The following MRPL27 variants were observed in gnomAD, a reference collection of about 807,000 sequenced individuals.
The protein encoded by MRPL27 is mitochondrial ribosomal protein L27.
A neutral mutation model predicts 14.6 loss-of-function variants in MRPL27; 4 were observed. The observed-to-expected ratio is 0.27, with a 90% CI of 0.14 to 0.63. MRPL27 has a LOEUF of 0.63. Ranked by LOEUF, MRPL27 falls within the 20% of genes least tolerant of loss-of-function variation. The probability of loss-of-function intolerance (pLI) is 0.85; values close to 1 mark genes in which losing one functional copy is unlikely to be tolerated. For missense variants in MRPL27, 196 were observed against 192.8 expected, an observed-to-expected ratio of 1.02 and a Z score of -0.10; for synonymous variants, 82 against 75.5, an observed-to-expected ratio of 1.09 and a Z score of -0.45.
chr17:50,368,242 G>A lies in MRPL27; in HGVS notation c.297C>T (p.Tyr99=). 6.2e-7 allele frequency: 1 copy of A among 1,614,198 alleles called. No individual in the cohort carries two copies. The highest frequency in any genetic ancestry group is 8.5e-7 in the Non-Finnish European group (1 of 1,180,048). ...LYALEEGIVR[Y]TKEVYVPHPR... Reference sequence around the variant, plus strand: ...GATGAGGCACGTAGACCTCCTTAGTGTAGCGGACTATCCCCTCTTCCAGGG... The same window carrying A: ...GATGAGGCACGTAGACCTCCTTAGTATAGCGGACTATCCCCTCTTCCAGGG... The change falls in exon 4 of 4, where the codon TAC becomes TAT. Residue 99 remains tyrosine, a synonymous_variant. Coordinates refer to ENST00000225969, the MANE Select transcript of MRPL27 (RefSeq NM_016504.3).
intron 2 of MRPL27, 123 bp from the exon 3 acceptor site, chr17:50,370,222 A>G (rs1913090369): frequency 8.4e-7 from 1 of 1,189,336 alleles, no homozygotes; most frequent in Admixed American, 2.4e-5. Context: ...CAGACAGTCC[A>G]ACACAAGCAG....
chr17:50,370,248 C>A, intron 2 of MRPL27, 149 bp from the exon 3 acceptor site: 1 of 1,135,230 alleles, frequency 8.8e-7, no homozygotes, highest in East Asian at 2.4e-5. Flanking sequence ...GATCTGCCAC[C>A]CAGCAGCTCT....
chr17:50,369,935 T>A (rs1913076976), intron 3 of MRPL27, 97 bp downstream of exon 3: 1 of 1,328,556 alleles, frequency 7.5e-7, no homozygotes, highest in East Asian at 2.3e-5. Context: ...TGCCATTTGG[T>A]AAGCACTCAA....
At chr17:50,368,841 G>C (rs1202154926) in intron 3 of MRPL27, 1 of 702,400 alleles carries the variant, frequency 1.4e-6, no homozygotes. Context: ...TTCTCACCTA[G>C]TGAAAGAGGT....
At chr17:50,370,723 A>T in intron 1 of MRPL27, 137 bp from the exon 2 acceptor site, 4 of 1,116,756 alleles carry the variant, frequency 3.6e-6, no homozygotes, top group East Asian at 2.7e-5. Context: ...CACTGAGTGT[A>T]TTAGTTCTCA....
intron 3 of MRPL27, 106 bp from the exon 4 acceptor site, chr17:50,368,404 G>T: frequency 8.5e-7 from 1 of 1,172,938 alleles, no homozygotes; most frequent in Non-Finnish European, 1.2e-6. Flanking sequence ...GGGCTGAAAG[G>T]GTGATCAGAG....
Position 50,370,599 on chromosome 17 carries a change from C to CA in MRPL27, c.41-14dup. 6.2e-7 allele frequency: 1 copy of CA among 1,613,946 alleles called. No individual in the cohort carries two copies. The highest frequency in any genetic ancestry group is 8.5e-7 in the Non-Finnish European group (1 of 1,179,882). On this transcript the variant is annotated splice_polypyrimidine_tract_variant and intron_variant, in intron 1 of 3. Transcript: ENST00000225969. Reference sequence around the variant, plus strand: ...AGCAAGGATGTAACTGCAGAGAAAACAGAAACATTGTTCAGACAGACAGGC... The same window carrying CA: ...AGCAAGGATGTAACTGCAGAGAAAACAAGAAACATTGTTCAGACAGACAGGC...
In MRPL27 at chr17:50,373,028, A is replaced by G. The variant is rs1364576618; in HGVS notation, c.40+103T>C. The G allele has an allele frequency of 5.2e-6, 8 of 1,524,388 alleles. No homozygotes were observed. In the African/African-American group the frequency reaches 9.6e-5, roughly 18 times the overall value. 94.4% of individuals were successfully genotyped at this position (1,524,388 alleles called of 1,614,324 possible). A position where few individuals can be genotyped will look rare whatever the true frequency, so the allele number is the denominator to read the frequency against. The stretch of plus-strand genomic sequence containing the variant: ...GAGTACCCCACACACTTCCCCTCGC[A>G]TCCAAGGTCCTCCGCGGGGATCAGT... On this transcript the variant is annotated intron_variant, in intron 1 of 3. Coordinates refer to ENST00000225969, the MANE Select transcript of MRPL27 (RefSeq NM_016504.3).
Position 50,368,044 on chromosome 17 carries a change from C to T in MRPL27, c.*48G>A. 6.2e-7 allele frequency: 1 copy of T among 1,604,088 alleles called. No individual in the cohort carries two copies. On this transcript the variant is annotated 3_prime_UTR_variant, in exon 4 of 4. Transcript: ENST00000225969. ...AACCCTTGACTTCTGGTATCACCAT[C>T]TCCTGTCACCTGGGCTCCAGTCTCT...
rs1263145603 is a variant in MRPL27, at chr17:50,373,159, C to A, written c.12G>T (p.Val4=). The A allele has an allele frequency of 6.2e-7, 1 of 1,614,242 alleles. No individual in the cohort carries two copies. Among genetic ancestry groups the A allele is most frequent in the Non-Finnish European group, 8.5e-7 (1 of 1,180,050 alleles). ...CTGTCCGGGTCCTCAGCGCCAACAC[C>A]ACCGACGCCATGCTTTCGATCACTC... The part of the protein sequence containing the change: MAS[V]VLALRTRTAV... The change falls in exon 1 of 4, where the codon GTG becomes GTT. Residue 4 remains valine, a synonymous_variant. Transcript: ENST00000225969.
chr17:50,371,796 C>T (rs1423011740), intron 1 of MRPL27, among the ~76,000 whole-genome samples: 1 of 152,190 alleles, frequency 6.6e-6, no homozygotes, highest in Non-Finnish European at 1.5e-5. Flanking sequence ...TCTATTCATT[C>T]ATTTACATAC....
In MRPL27 at chr17:50,369,470, TAACA is replaced by T. The variant is rs373717038; in HGVS notation, c.240+558_240+561del. ...AGAGTACAGTATCGTTATGTCTCTG[TAACA>T]AAGAACTGTCCTACCCTATAAAAAT... On this transcript the variant is annotated intron_variant, in intron 3 of 3. Coordinates refer to ENST00000225969, the MANE Select transcript of MRPL27 (RefSeq NM_016504.3). 5.8e-3 allele frequency: 977 copies of T among 169,840 alleles called. 11 individuals carry two copies. Among genetic ancestry groups the T allele is most frequent in the African/African-American group, 0.022 (928 of 41,630 alleles). The allele number at this position is 169,840 out of a possible 1,614,324, so 10.5% of individuals were successfully genotyped here. A position where few individuals can be genotyped will look rare whatever the true frequency, so the allele number is the denominator to read the frequency against.
chr17:50,373,118 T>G lies in MRPL27; in HGVS notation c.40+13A>C. On this transcript the variant is annotated intron_variant, in intron 1 of 3. Coordinates refer to ENST00000225969, the MANE Select transcript of MRPL27 (RefSeq NM_016504.3). ...CCCCGCCTCACCCCGCTCTGACTACTGCGTCCCATTACCGGCTGTCCGGGT... is the reference window on the plus strand; with the variant it reads ...CCCCGCCTCACCCCGCTCTGACTACGGCGTCCCATTACCGGCTGTCCGGGT... The G allele has an allele frequency of 6.2e-7, 1 of 1,614,146 alleles. No homozygotes were observed. Among genetic ancestry groups the G allele is most frequent in the Non-Finnish European group, 8.5e-7 (1 of 1,180,034 alleles).
chr17:50,368,759 C>T (rs1285088011), intron 3 of MRPL27: 1 of 678,766 alleles, frequency 1.5e-6, no homozygotes, highest in Non-Finnish European at 2.7e-6. Flanking sequence ...AATGCATATG[C>T]TAATAAAACA....
At chr17:50,372,961 C>T (rs2143286376) in intron 1 of MRPL27, 170 bp downstream of exon 1, 1 of 895,860 alleles carries the variant, frequency 1.1e-6, no homozygotes, top group East Asian at 2.7e-5. Flanking sequence ...CGGCTCCACC[C>T]AGGATGTGTC....
At chr17:50,369,094 G>A in intron 3 of MRPL27, 1 of 518,826 alleles carries the variant, frequency 1.9e-6, no homozygotes, top group African/African-American at 1.9e-5. Flanking sequence ...GTGGTCTTAG[G>A]CAAGTTACTT....
intron 1 of MRPL27, 132 bp downstream of exon 1, chr17:50,372,999 C>T: frequency 4.6e-6 from 6 of 1,311,246 alleles, no homozygotes; most frequent in Non-Finnish European, 6.3e-6. Context: ...GTCCCTCAAA[C>T]CTGGAGTACC....
intron 1 of MRPL27, among the ~76,000 whole-genome samples, chr17:50,372,525 G>A (rs1282899446): frequency 6.6e-6 from 1 of 152,156 alleles, no homozygotes; most frequent in East Asian, 1.9e-4. Flanking sequence ...GACTACAGGC[G>A]TGAGCCATCA....
intron 1 of MRPL27, among the ~76,000 whole-genome samples, chr17:50,371,799 T>C (rs577494747): frequency 2.8e-4 from 42 of 152,178 alleles, no homozygotes; most frequent in Admixed American, 1.8e-3. Flanking sequence ...ATTCATTCAT[T>C]TACATACTTA....
Sources: gnomAD v4.1 joint callset for allele counts (sites outside exome capture counted in the v4.1 genomes callset) on GRCh38, gnomAD v4.1.1 for gene constraint, MANE v1.5 for transcripts, NCBI Gene and HGNC (gene_info 2026-07-23, HGNC 2026-07-21) for gene names.